Variants in BEND5 observed in about 807,000 individuals in gnomAD.
The protein encoded by BEND5 is BEN domain-containing protein 5.
A neutral mutation model predicts 43.9 loss-of-function variants in BEND5; 22 were observed. The ratio of observed to expected loss-of-function variants is 0.50; its 90% CI spans 0.36 to 0.72. The LOEUF (loss-of-function observed/expected upper bound fraction) is 0.72, where lower values mean the gene tolerates loss of function less well. BEND5 is among the 30% of genes least tolerant of loss of function. BEND5 has a pLI of 0.00. For synonymous variants in BEND5, 228 were observed against 225.9 expected (o/e 1.01, Z -0.08); for missense variants, 428 against 550.6 (o/e 0.78, Z 2.23).
In BEND5 at chr1:48,730,122, C is replaced by G. The variant is rs1158947187; in HGVS notation, c.1109-2079G>C. On this transcript the variant is annotated intron_variant, in intron 5 of 5. Transcript: ENST00000371833. ...TACCTAGAACTCTGTGCTCCCACAC[C>G]TGTCTCGGTTTTTCTCTCTGTCAAA... 1.4e-4 allele frequency among the ~76,000 whole-genome samples: 21 copies of G among 152,166 alleles called. 2 individuals are homozygous for G. The highest frequency in any genetic ancestry group is 1.4e-3 in the Admixed American group (21 of 15,276).
At chr1:48,772,721 T>G (rs191631129) in intron 1 of BEND5, among the ~76,000 whole-genome samples, 7 of 152,156 alleles carry the variant, frequency 4.6e-5, no homozygotes, top group Non-Finnish European at 2.9e-5. Flanking sequence ...ATTGGGAAAA[T>G]AGATCAGAGA....
intron 1 of BEND5, 24 bp downstream of exon 1, chr1:48,776,582 G>T: frequency 2.4e-6 from 2 of 816,706 alleles, no homozygotes; most frequent in Non-Finnish European, 3.2e-6. Flanking sequence ...GGGTCCCACC[G>T]TCCCTCCCCG....
chr1:48,764,486 AG>A (rs1215977528), intron 1 of BEND5, among the ~76,000 whole-genome samples: 1 of 152,116 alleles, frequency 6.6e-6, no homozygotes, highest in African/African-American at 2.4e-5. Flanking sequence ...CAAATGGGGA[AG>A]GGGGGGAAAT....
chr1:48,733,186 T>G (rs1303591701), intron 5 of BEND5, among the ~76,000 whole-genome samples: 1 of 152,174 alleles, frequency 6.6e-6, no homozygotes, highest in Non-Finnish European at 1.5e-5. Flanking sequence ...AAGGAGGGTT[T>G]CTTTGCTTTT....
chr1:48,752,261 A>C (rs1368961861), intron 3 of BEND5, among the ~76,000 whole-genome samples: 1 of 152,186 alleles, frequency 6.6e-6, no homozygotes, highest in African/African-American at 2.4e-5. Context: ...TGAAAGAGAC[A>C]GGAAAGAGCT....
At chr1:48,759,359 A>G in intron 2 of BEND5, 75 bp from the exon 3 acceptor site, 1 of 1,494,488 alleles carries the variant, frequency 6.7e-7, no homozygotes, top group South Asian at 1.3e-5. Context: ...ATATTTCCCC[A>G]GACAATCCTA....
chr1:48,765,012 T>A (rs1644461747), intron 1 of BEND5, among the ~76,000 whole-genome samples: 1 of 152,178 alleles, frequency 6.6e-6, no homozygotes, highest in Non-Finnish European at 1.5e-5. Flanking sequence ...GGCTCTAAGC[T>A]CTTCCATCTA....
chr1:48,770,103 A>G (rs1045821225), intron 1 of BEND5, among the ~76,000 whole-genome samples: 3 of 152,054 alleles, frequency 2.0e-5, no homozygotes, highest in African/African-American at 7.2e-5. Context: ...CTGCTGTTAT[A>G]TTGCTCCCAC....
rs1282939951 is a variant in BEND5 at position 48,727,873 on chromosome 1, A to G, written c.*13T>C. On this transcript the variant is annotated 3_prime_UTR_variant, in exon 6 of 6. Coordinates refer to ENST00000371833, the MANE Select transcript of BEND5 (RefSeq NM_024603.4). ...ACAAGGAAAACACGAAAGCTTTATGAAAAATCCAAAGTTTATTGCAAATTG... is the reference window on the plus strand; with the variant it reads ...ACAAGGAAAACACGAAAGCTTTATGGAAAATCCAAAGTTTATTGCAAATTG... 1.3e-6 allele frequency: 2 copies of G among 1,599,356 alleles called. No individual in the cohort carries two copies. Among genetic ancestry groups the G allele is most frequent in the Non-Finnish European group, 1.7e-6 (2 of 1,168,936 alleles).
chr1:48,752,782 G>C (rs1211289094), intron 3 of BEND5, among the ~76,000 whole-genome samples: 4 of 151,552 alleles, frequency 2.6e-5, no homozygotes, highest in African/African-American at 9.7e-5. Flanking sequence ...ACAGAGTCTC[G>C]CTCTGTCGCC....
At chr1:48,758,627 G>A (rs759126573) in intron 3 of BEND5, among the ~76,000 whole-genome samples, 8 of 152,208 alleles carry the variant, frequency 5.3e-5, no homozygotes, top group Non-Finnish European at 8.8e-5. Flanking sequence ...GAATGCATAA[G>A]GGACTGAGCA....
chr1:48,736,503 G>T lies in BEND5; in HGVS notation c.895-51C>A. ...CTGTTTAGTCCGACAGGAGGGCAGTGGGAGGCTTCTCTTGTCCTTTAAAAA... is the reference window on the plus strand; with the variant it reads ...CTGTTTAGTCCGACAGGAGGGCAGTTGGAGGCTTCTCTTGTCCTTTAAAAA... On this transcript the variant is annotated intron_variant, in intron 4 of 5. Coordinates refer to ENST00000371833, the MANE Select transcript of BEND5 (RefSeq NM_024603.4). The surrounding 1 kb of genome is among the most constrained non-coding windows in gnomAD (Gnocchi z 4.0). 1 of 1,502,478 alleles carries T rather than the reference G, an allele frequency of 6.7e-7. No homozygotes were observed. Among genetic ancestry groups the T allele is most frequent in the Non-Finnish European group, 9.2e-7 (1 of 1,083,020 alleles). The allele number at this position is 1,502,478 out of a possible 1,614,324, so 93.1% of individuals were successfully genotyped here. A position where few individuals can be genotyped will look rare whatever the true frequency, so the allele number is the denominator to read the frequency against.
intron 4 of BEND5, among the ~76,000 whole-genome samples, chr1:48,737,280 T>A (rs1475697357): frequency 6.6e-6 from 1 of 151,742 alleles, no homozygotes; most frequent in Non-Finnish European, 1.5e-5. Context: ...CGAGACTCCG[T>A]CTCAAAAAGA....
At chr1:48,751,826 G>GC (rs1434762787) in intron 3 of BEND5, among the ~76,000 whole-genome samples, 2 of 152,126 alleles carry the variant, frequency 1.3e-5, no homozygotes, top group Admixed American at 1.3e-4. Context: ...CATCCCCACT[G>GC]CCCCCAGGAA....
chr1:48,742,506 G>A, intron 4 of BEND5, 117 bp downstream of exon 4: 1 of 1,085,164 alleles, frequency 9.2e-7, no homozygotes, highest in Non-Finnish European at 1.2e-6. Flanking sequence ...GTCATTCAGG[G>A]CTAGGCCAGG....
At chr1:48,739,512 C>T (rs1323592037) in intron 4 of BEND5, among the ~76,000 whole-genome samples, 1 of 152,218 alleles carries the variant, frequency 6.6e-6, no homozygotes, top group African/African-American at 2.4e-5. Flanking sequence ...TCATTTCCCG[C>T]TACTTCCAGT....
Position 48,733,795 on chromosome 1 carries a change from A to C in BEND5, c.1108+2444T>G, listed in dbSNP as rs573087853. ...TCACACAAAATTTGGTCAGGCGATC[A>C]GCTTGTGGGTCTCTGTGTTTCTTCT... is the stretch of plus-strand genomic sequence containing the variant. On this transcript the variant is annotated intron_variant, in intron 5 of 5. Transcript: ENST00000371833. Among the ~76,000 whole-genome samples, 14 of 152,352 alleles carry C rather than the reference A, an allele frequency of 9.2e-5. No individual in the cohort carries two copies. The South Asian group carries it at 2.7e-3, about 29-fold the overall frequency.
intron 3 of BEND5, among the ~76,000 whole-genome samples, chr1:48,752,333 G>C (rs1651872480): frequency 1.3e-5 from 2 of 152,156 alleles, no homozygotes; most frequent in Non-Finnish European, 2.9e-5. Flanking sequence ...CACAACTAGT[G>C]ATGTCTAAAA....
chr1:48,730,368 G>T (rs934161335), intron 5 of BEND5, among the ~76,000 whole-genome samples: 1 of 152,138 alleles, frequency 6.6e-6, no homozygotes, highest in African/African-American at 2.4e-5. Flanking sequence ...CAACCTCTAG[G>T]GGGGACTTCT....
Sources: gnomAD v4.1 joint callset for allele counts (sites outside exome capture counted in the v4.1 genomes callset) on GRCh38, gnomAD v4.1.1 for gene constraint, Gnocchi (gnomAD v3.1) non-coding constraint, MANE v1.5 for transcripts, NCBI Gene and HGNC (gene_info 2026-07-23, HGNC 2026-07-21) for gene names.